The following GNMT variants were observed in gnomAD, a reference collection of about 807,000 sequenced individuals.
GNMT encodes epididymis secretory sperm binding protein Li 182mP.
GNMT carries 26 observed loss-of-function variants against 30.2 expected under a neutral mutation model. That is an observed-to-expected ratio of 0.86 (90% CI 0.63 to 1.19). The LOEUF is 1.19. GNMT is among the 50% of genes most tolerant of loss of function. GNMT has a pLI of 0.00. For synonymous variants in GNMT, 163 were observed against 163.8 expected, an observed-to-expected ratio of 1.00 and a Z score of 0.04; for missense variants, 365 against 398.1, an observed-to-expected ratio of 0.92 and a Z score of 0.71.
chr6:42,962,390 C>A, intron 2 of GNMT, 51 bp downstream of exon 2: 1 of 1,603,240 alleles, frequency 6.2e-7, no homozygotes, highest in Non-Finnish European at 8.5e-7. Context: ...GAACACTGTT[C>A]ATTCTGCCTG....
In GNMT at chr6:42,962,830, G is replaced by A. The variant is rs1277144391; in HGVS notation, c.403G>A (p.Ala135Thr). The change falls in exon 3 of 6, where the codon GCT (alanine) becomes ACT (threonine). Residue 135 changes from alanine to threonine, a missense_variant. Physicochemically the swap from Ala to Thr is moderately conservative, Grantham distance 58. Coordinates refer to ENST00000372808, the MANE Select transcript of GNMT (RefSeq NM_018960.6). ...VPQSAEGGFD[A>T]VICLGNSFAH... ...CCAGTCAGCAGAGGGTGGCTTTGAT[G>A]CTGTCATCTGCCTTGGAAACAGTTT... 1 of 1,614,060 alleles carries A rather than the reference G, an allele frequency of 6.2e-7. No homozygotes were observed. Among genetic ancestry groups the A allele is most frequent in the African/African-American group, 1.3e-5 (1 of 74,930 alleles).
rs1487513877 is a variant in GNMT, at chr6:42,963,232, G to A, written c.594+18G>A. On this transcript the variant is annotated intron_variant, in intron 4 of 5. Transcript: ENST00000372808. ...ACTATAAGGTGGGGCCCTCTGGGGT[G>A]GGGGTGGGGGTGGGGGTGGGGGTGG... 8.4e-7 allele frequency: 1 copy of A among 1,189,430 alleles called. No individual in the cohort carries two copies. The allele number at this position is 1,189,430 out of a possible 1,614,324, so 73.7% of individuals were successfully genotyped here. A position where few individuals can be genotyped will look rare whatever the true frequency, so the allele number is the denominator to read the frequency against.
Position 42,963,606 on chromosome 6 carries a change from G to T in GNMT, c.788G>T (p.Gly263Val). ...GAGCTGCTCCAAGCAGCCTTCGGAGGTAAGTGCCAGCACAGCGTCCTGGGC... is the reference window on the plus strand; with the variant it reads ...GAGCTGCTCCAAGCAGCCTTCGGAGTTAAGTGCCAGCACAGCGTCCTGGGC... ...FTELLQAAFG[G>V]KCQHSVLGDF... Residue 263 changes from glycine (G) to valine (V), a missense_variant, in exon 6 of 6, where the codon GGT (glycine) becomes GTT (valine). Around this residue, in one of 3 missense-constraint regions of GNMT, gnomAD observed 232 missense variants for 263.0 expected, o/e 0.88. Transcript: ENST00000372808. The T allele has an allele frequency of 1.9e-6, 3 of 1,614,210 alleles. No homozygotes were observed. The highest frequency in any genetic ancestry group is 1.7e-5 in the Admixed American group (1 of 60,028).
In GNMT at chr6:42,963,719, C is replaced by G; in HGVS notation, c.*13C>G. 1 of 1,613,058 alleles carries G rather than the reference C, an allele frequency of 6.2e-7. No homozygotes were observed. Among genetic ancestry groups the G allele is most frequent in the South Asian group, 1.1e-5 (1 of 91,054 alleles). Reference sequence around the variant, plus strand: ...GAGGACAGACTGAGTGTGGCCTCAGCTCCCACAAGCCTCTGCCCAGGCACT... The same window carrying G: ...GAGGACAGACTGAGTGTGGCCTCAGGTCCCACAAGCCTCTGCCCAGGCACT... On this transcript the variant is annotated 3_prime_UTR_variant, in exon 6 of 6. Transcript: ENST00000372808.
intron 5 of GNMT, 38 bp from the exon 6 acceptor site, chr6:42,963,497 G>A (rs777087318): frequency 2.5e-6 from 4 of 1,613,724 alleles, no homozygotes; most frequent in Admixed American, 3.3e-5. Flanking sequence ...GGGAGCTGAG[G>A]TCACCAGTCC....
In GNMT at chr6:42,963,132, G is replaced by C. The variant is rs759061456; in HGVS notation, c.512G>C (p.Gly171Ala). ...KNIASMVRAGGLLVIDHRNYD... is the reference protein window; with the variant it reads ...KNIASMVRAGALLVIDHRNYD... ...ATTGCGAGCATGGTGCGGGCAGGGG[G>C]CCTACTGGTCATTGATCATCGCAAC... The change falls in exon 4 of 6, where the codon GGC (glycine) becomes GCC (alanine). Residue 171 changes from glycine to alanine, a missense_variant. Around this residue, in one of 3 missense-constraint regions of GNMT, gnomAD observed 232 missense variants for 263.0 expected, o/e 0.88. Coordinates refer to ENST00000372808, the MANE Select transcript of GNMT (RefSeq NM_018960.6). 1.9e-6 allele frequency: 3 copies of C among 1,612,600 alleles called. No homozygotes were observed. The East Asian group carries it at 6.7e-5, about 36-fold the overall frequency.
In GNMT at chr6:42,962,212, G is replaced by A. The variant is rs767483781; in HGVS notation, c.207G>A (p.Gly69=). ...QRVLDVACGT[G]VDSIMLVEEG... ...GCCTCTCCTCGCTGGCCGTACTCAG[G>A]GTGGACTCCATTATGCTGGTGGAAG... Residue 69 remains glycine, a splice_region_variant and synonymous_variant, in exon 2 of 6, where the codon GGG becomes GGA. Coordinates refer to ENST00000372808, the MANE Select transcript of GNMT (RefSeq NM_018960.6). The A allele has an allele frequency of 1.9e-6, 3 of 1,614,142 alleles. No individual in the cohort carries two copies. The highest frequency in any genetic ancestry group is 1.7e-5 in the Admixed American group (1 of 60,018).
In GNMT at chr6:42,962,751, C is replaced by T; in HGVS notation, c.335-11C>T. The T allele has an allele frequency of 6.3e-7, 1 of 1,588,722 alleles. No homozygotes were observed. Among genetic ancestry groups the T allele is most frequent in the African/African-American group, 1.3e-5 (1 of 74,590 alleles). ...GCCTCCCTGATTCCTCTTTCTCTTC[C>T]TGACCCCTAGTCATCGAAGAAGCCA... On this transcript the variant is annotated splice_polypyrimidine_tract_variant and intron_variant, in intron 2 of 5. Coordinates refer to ENST00000372808, the MANE Select transcript of GNMT (RefSeq NM_018960.6).
At position 42,960,981 on chromosome 6, in the gene GNMT, C is replaced by A; in HGVS notation, c.206+8C>A. 2 of 1,543,098 alleles carry A rather than the reference C, an allele frequency of 1.3e-6. No homozygotes were observed. The highest frequency in any genetic ancestry group is 1.7e-6 in the Non-Finnish European group (2 of 1,149,304). The stretch of plus-strand genomic sequence containing the variant: ...CGTAGCCTGTGGCACTGGGTGAGCC[C>A]AGGCCGGGGCCGGGGGCGTTGCATG... On this transcript the variant is annotated splice_region_variant and intron_variant, in intron 1 of 5. Transcript: ENST00000372808.
Position 42,962,512 on chromosome 6 carries a change from G to A in GNMT, c.334+173G>A, listed in dbSNP as rs116551815. 2.1e-3 allele frequency among the ~76,000 whole-genome samples: 321 copies of A among 152,254 alleles called. 2 individuals are homozygous for A. Among genetic ancestry groups the A allele is most frequent in the Middle Eastern group, 6.8e-3 (2 of 294 alleles). On this transcript the variant is annotated intron_variant, in intron 2 of 5. Transcript: ENST00000372808. ...TCTTAAGCTCCAGAATGAGACACCGGGTGTGAAGAGCTGGTTTTAACTGTG... is the reference window on the plus strand; with the variant it reads ...TCTTAAGCTCCAGAATGAGACACCGAGTGTGAAGAGCTGGTTTTAACTGTG...
rs1395854219 is a variant in GNMT at position 42,963,553 on chromosome 6, C to T, written c.735C>T (p.Tyr245=). The change falls in exon 6 of 6, where the codon TAC becomes TAT. Residue 245 remains tyrosine, a synonymous_variant. Coordinates refer to ENST00000372808, the MANE Select transcript of GNMT (RefSeq NM_018960.6). ...GTTACAGTAAGTTCCGGCTCTCCTA[C>T]TACCCACACTGTCTGGCATCCTTCA... is the stretch of plus-strand genomic sequence containing the variant. ...SPGLSKFRLS[Y]YPHCLASFTE... is the part of the protein sequence containing the mutation. 18 of 1,614,162 alleles carry T rather than the reference C, an allele frequency of 1.1e-5. No homozygotes were observed. Among genetic ancestry groups the T allele is most frequent in the Non-Finnish European group, 1.5e-5 (18 of 1,179,990 alleles).
chr6:42,962,734 G>A (rs747297365), intron 2 of GNMT, 28 bp from the exon 3 acceptor site: 2 of 1,518,226 alleles, frequency 1.3e-6, no homozygotes, highest in South Asian at 2.2e-5. Context: ...GTGCCTCCCT[G>A]ATTCCTCTTT....
In GNMT at chr6:42,963,832, G is replaced by C; in HGVS notation, c.*126G>C. The C allele has an allele frequency of 1.2e-6, 1 of 850,168 alleles. No individual in the cohort carries two copies. Among genetic ancestry groups the C allele is most frequent in the South Asian group, 1.4e-5 (1 of 71,430 alleles). 52.7% of individuals were successfully genotyped at this position (850,168 alleles called of 1,614,324 possible). A position where few individuals can be genotyped will look rare whatever the true frequency, so the allele number is the denominator to read the frequency against. On this transcript the variant is annotated 3_prime_UTR_variant, in exon 6 of 6. Coordinates refer to ENST00000372808, the MANE Select transcript of GNMT (RefSeq NM_018960.6). ...ACTACAGCTGGGGTGCAGGGATGTGGGTTCCACAGACGGAAGGGTAAACAA... is the reference window on the plus strand; with the variant it reads ...ACTACAGCTGGGGTGCAGGGATGTGCGTTCCACAGACGGAAGGGTAAACAA...
chr6:42,961,985 A>T (rs2114226724), intron 1 of GNMT, among the ~76,000 whole-genome samples: 1 of 152,296 alleles, frequency 6.6e-6, no homozygotes, highest in African/African-American at 2.4e-5. Flanking sequence ...ATGAGAATTA[A>T]TGCATATTTG....
intron 1 of GNMT, among the ~76,000 whole-genome samples, chr6:42,961,883 C>T (rs1459868335): frequency 6.6e-6 from 1 of 152,186 alleles, no homozygotes; most frequent in African/African-American, 2.4e-5. Flanking sequence ...CCATGTTCTA[C>T]TGCCTTTTGT....
intron 1 of GNMT, among the ~76,000 whole-genome samples, chr6:42,961,755 G>T (rs941004614): frequency 6.6e-6 from 1 of 151,890 alleles, no homozygotes; most frequent in Non-Finnish European, 1.5e-5. Context: ...GGGTTTCGCC[G>T]TGTTAGCCAG....
intron 2 of GNMT, 133 bp downstream of exon 2, chr6:42,962,472 T>G: frequency 1.0e-6 from 1 of 1,001,030 alleles, no homozygotes; most frequent in Non-Finnish European, 1.5e-6. Context: ...TACTGTCATT[T>G]CTCTGAAAAG....
chr6:42,963,252 G>C, intron 4 of GNMT, 38 bp downstream of exon 4: 1 of 1,331,714 alleles, frequency 7.5e-7, no homozygotes, highest in Non-Finnish European at 1.0e-6. Flanking sequence ...GTGGGGGTGG[G>C]GGTGGGGTGG....
intron 2 of GNMT, among the ~76,000 whole-genome samples, 185 bp downstream of exon 2, chr6:42,962,524 TG>T (rs1769461982): frequency 6.6e-6 from 1 of 152,180 alleles, no homozygotes; most frequent in Non-Finnish European, 1.5e-5. Context: ...TGTGAAGAGC[TG>T]GTTTTAACTG....
Sources: allele counts gnomAD v4.1 joint callset (sites outside exome capture counted in the v4.1 genomes callset), GRCh38; gene constraint gnomAD v4.1.1; regional missense constraint gnomAD v4.1.1; transcripts MANE v1.5; gene names NCBI Gene and HGNC (gene_info 2026-07-23, HGNC 2026-07-21).